Variants in HLTF observed in about 807,000 individuals in gnomAD.
HLTF encodes DNA-dependent ATPase/E3 ubiquitin-protein ligase HLTF.
A neutral mutation model predicts 129.4 loss-of-function variants in HLTF; 127 were observed. That is an observed-to-expected ratio of 0.98 (90% CI 0.85 to 1.14). The LOEUF (loss-of-function observed/expected upper bound fraction) is 1.14, where lower values mean the gene tolerates loss of function less well. Ranked by LOEUF, HLTF falls within the 50% of genes most tolerant of loss-of-function variation. The pLI is 0.00. For missense variants in HLTF, 1,139 were observed against 1,187.1 expected, an observed-to-expected ratio of 0.96 and a Z score of 0.60; for synonymous variants, 332 against 388.8, an observed-to-expected ratio of 0.85 and a Z score of 1.72.
intron 10 of HLTF, 136 bp from the exon 11 acceptor site, chr3:149,060,994 C>G (rs1717895019): frequency 4.7e-6 from 3 of 631,950 alleles, no homozygotes; most frequent in Non-Finnish European, 5.5e-6. Flanking sequence ...AAGATTTTGA[C>G]AAATGAAAGT....
In HLTF at chr3:149,030,543, T is replaced by C. The variant is rs1252111010; in HGVS notation, c.*1677A>G. 6.6e-6 allele frequency: 1 copy of C among 152,224 alleles called. No homozygotes were observed. The highest frequency in any genetic ancestry group is 2.4e-5 in the African/African-American group (1 of 41,462). The allele number at this position is 152,224 out of a possible 1,614,324, so 9.4% of individuals were successfully genotyped here. ...TTGTAAGCAGAAAGAGTAGACTGTG[T>C]TGTTTTTTGCCAAAAACTGTTTATA... On this transcript the variant is annotated 3_prime_UTR_variant, in exon 25 of 25. Transcript: ENST00000310053.
Position 149,031,609 on chromosome 3 carries a change from A to G in HLTF, c.*611T>C, listed in dbSNP as rs1002309233. 5 of 152,314 alleles carry G rather than the reference A, an allele frequency of 3.3e-5. No individual in the cohort carries two copies. The highest frequency in any genetic ancestry group is 1.2e-4 in the African/African-American group (5 of 41,414). 9.4% of individuals were successfully genotyped at this position (152,314 alleles called of 1,614,324 possible). On this transcript the variant is annotated 3_prime_UTR_variant, in exon 25 of 25. Transcript: ENST00000310053. The stretch of plus-strand genomic sequence containing the variant: ...AAATAGTACTCTTAACATAATCCCT[A>G]ATTTTTTCATGAACATAAAACTCCA...
intron 9 of HLTF, 126 bp downstream of exon 9, chr3:149,064,665 T>A: frequency 1.7e-6 from 1 of 599,644 alleles, no homozygotes; most frequent in Middle Eastern, 2.8e-4. Context: ...CCTAAATTTT[T>A]GTACAGTACA....
chr3:149,060,497 G>C, intron 12 of HLTF, 146 bp downstream of exon 12: 1 of 606,336 alleles, frequency 1.6e-6, no homozygotes, highest in Non-Finnish European at 2.9e-6. Context: ...AAAACCCATG[G>C]TTAGCTCCAT....
intron 12 of HLTF, 71 bp from the exon 13 acceptor site, chr3:149,059,878 A>C: frequency 1.1e-6 from 1 of 897,454 alleles, no homozygotes; most frequent in Non-Finnish European, 1.8e-6. Flanking sequence ...GTACTTTCTA[A>C]GGGTAAGAAA....
In HLTF at chr3:149,086,423, A is replaced by G. The variant is rs1430025702; in HGVS notation, c.-87T>C. 6.8e-7 allele frequency: 1 copy of G among 1,460,264 alleles called. No homozygotes were observed. Among genetic ancestry groups the G allele is most frequent in the Non-Finnish European group, 9.4e-7 (1 of 1,069,390 alleles). 90.5% of individuals were successfully genotyped at this position (1,460,264 alleles called of 1,614,324 possible). On this transcript the variant is annotated 5_prime_UTR_variant, in exon 1 of 25. Coordinates refer to ENST00000310053, the MANE Select transcript of HLTF (RefSeq NM_003071.4). Reference sequence around the variant, plus strand: ...CGATACGCCTCCTTCCAGGCCCCGCAGCCCTGAAGCCGGGGACAAATTCCG... The same window carrying G: ...CGATACGCCTCCTTCCAGGCCCCGCGGCCCTGAAGCCGGGGACAAATTCCG...
chr3:149,069,472 GAAAA>G (rs36037300), intron 7 of HLTF, among the ~76,000 whole-genome samples: 2 of 122,742 alleles, frequency 1.6e-5, no homozygotes, highest in Non-Finnish European at 3.6e-5. Flanking sequence ...TCCATCTCAA[GAAAA>G]AAAAAAAAAA....
At chr3:149,071,093 T>C (rs1718814913) in intron 7 of HLTF, among the ~76,000 whole-genome samples, 159 bp downstream of exon 7, 1 of 152,068 alleles carries the variant, frequency 6.6e-6, no homozygotes, top group Non-Finnish European at 1.5e-5. Flanking sequence ...ACCACTATTT[T>C]AACTAAAAAC....
intron 20 of HLTF, 66 bp from the exon 21 acceptor site, chr3:149,040,222 A>AT (rs1716013278): frequency 7.1e-7 from 1 of 1,411,270 alleles, no homozygotes; most frequent in Non-Finnish European, 9.7e-7. Flanking sequence ...ATGCCTAAAA[A>AT]TTTTTAAATG....
chr3:149,086,259 A>G, intron 1 of HLTF, 58 bp downstream of exon 1: 2 of 1,558,550 alleles, frequency 1.3e-6, no homozygotes, highest in South Asian at 2.3e-5. Flanking sequence ...GGTCAGGTTC[A>G]TTTGGGGACG....
rs1321515272 is a variant in HLTF, at chr3:149,030,717, G to A, written c.*1503C>T. On this transcript the variant is annotated 3_prime_UTR_variant, in exon 25 of 25. Transcript: ENST00000310053. ...ACATTATTATTCCACTATCATCCCT[G>A]CAGAAAGGTCTTGGTTTTGATGAAA... is the stretch of plus-strand genomic sequence containing the variant. The A allele has an allele frequency of 2.0e-5, 3 of 152,140 alleles. No individual in the cohort carries two copies. Among genetic ancestry groups the A allele is most frequent in the Non-Finnish European group, 4.4e-5 (3 of 68,022 alleles). 9.4% of individuals were successfully genotyped at this position (152,140 alleles called of 1,614,324 possible).
intron 7 of HLTF, among the ~76,000 whole-genome samples, chr3:149,071,006 C>T (rs544195606): frequency 1.0e-3 from 155 of 151,324 alleles, no homozygotes; most frequent in African/African-American, 3.6e-3. Flanking sequence ...GATCGCGTCA[C>T]TGCACTCCAG....
rs1716866814 is a variant in HLTF at position 149,050,174 on chromosome 3, G to C, written c.1617+58C>G. ...GAATTTTGGAACACTCTAGAAACCT[G>C]TGGCATATTTCTTACATTCAATCTT... On this transcript the variant is annotated intron_variant, in intron 15 of 24. Coordinates refer to ENST00000310053, the MANE Select transcript of HLTF (RefSeq NM_003071.4). The C allele has an allele frequency of 5.2e-6, 6 of 1,155,322 alleles. No individual in the cohort carries two copies. In the South Asian group the frequency reaches 1.1e-4, roughly 21 times the overall value. The allele number at this position is 1,155,322 out of a possible 1,614,324, so 71.6% of individuals were successfully genotyped here.
chr3:149,064,295 C>T (rs1017115685), intron 9 of HLTF, among the ~76,000 whole-genome samples: 5 of 152,152 alleles, frequency 3.3e-5, no homozygotes, highest in Admixed American at 6.5e-5. Flanking sequence ...TTTTCACCTA[C>T]TACTCTTAAA....
At chr3:149,034,785 G>T in intron 24 of HLTF, 133 bp downstream of exon 24, 1 of 634,162 alleles carries the variant, frequency 1.6e-6, no homozygotes. Flanking sequence ...AATTATTGAT[G>T]AAGGAGGAAA....
chr3:149,073,004 T>C (rs914445922), intron 5 of HLTF, among the ~76,000 whole-genome samples: 1 of 152,224 alleles, frequency 6.6e-6, no homozygotes, highest in Non-Finnish European at 1.5e-5. Context: ...GTTTTGTATG[T>C]TGGGTACAAA....
intron 23 of HLTF, among the ~76,000 whole-genome samples, chr3:149,037,618 C>T (rs1281892232): frequency 6.6e-6 from 1 of 152,100 alleles, no homozygotes; most frequent in Non-Finnish European, 1.5e-5. Flanking sequence ...CCTGAGTAAA[C>T]ATATATGCAT....
chr3:149,032,382 G>T lies in HLTF; in HGVS notation c.2878-10C>A. 7.7e-7 allele frequency: 1 copy of T among 1,299,236 alleles called. No individual in the cohort carries two copies. The highest frequency in any genetic ancestry group is 1.0e-6 in the Non-Finnish European group (1 of 978,924). 80.5% of individuals were successfully genotyped at this position (1,299,236 alleles called of 1,614,324 possible). On this transcript the variant is annotated splice_polypyrimidine_tract_variant and intron_variant, in intron 24 of 24. Transcript: ENST00000310053. ...AGTCCTTTACAATGAACTTTAAAAAGAAAAAAAAAAGTTAAGTAGTTTTTA... is the reference window on the plus strand; with the variant it reads ...AGTCCTTTACAATGAACTTTAAAAATAAAAAAAAAAGTTAAGTAGTTTTTA...
In HLTF at chr3:149,074,233, A is replaced by G. The variant is rs1392355375; in HGVS notation, c.511T>C (p.Leu171=). 2 of 1,613,278 alleles carry G rather than the reference A, an allele frequency of 1.2e-6. No homozygotes were observed. ...AACTTACTTTTTGGTGCAGGACCCA[A>G]TTTAAATCCATGTTTCTTCAACTGA... is the stretch of plus-strand genomic sequence containing the variant. ...SDQLKKHGFK[L]GPAPKTLGFN... The change falls in exon 4 of 25, where the codon TTG becomes CTG. Residue 171 remains leucine, a synonymous_variant. Transcript: ENST00000310053.
Sources: allele counts gnomAD v4.1 joint callset (sites outside exome capture counted in the v4.1 genomes callset), GRCh38; gene constraint gnomAD v4.1.1; transcripts MANE v1.5; gene names NCBI Gene and HGNC (gene_info 2026-07-23, HGNC 2026-07-21).